The following STEAP1B variants were observed in gnomAD, a reference collection of about 807,000 sequenced individuals.
STEAP1B encodes STEAP family member 1B.
Under a neutral mutation model 27.9 loss-of-function variants are expected in STEAP1B, and 13 were observed. The ratio of observed to expected loss-of-function variants is 0.47; its 90% CI spans 0.30 to 0.74. STEAP1B has a LOEUF of 0.74. Ranked by LOEUF, STEAP1B falls within the 30% of genes least tolerant of loss-of-function variation. The pLI is 0.06. For missense variants in STEAP1B, 250 were observed against 298.7 expected, an observed-to-expected ratio of 0.84 and a Z score of 1.20; for synonymous variants, 86 against 107.1, an observed-to-expected ratio of 0.80 and a Z score of 1.22.
At chr7:22,474,327 T>C (rs1785935285) in intron 4 of STEAP1B, among the ~76,000 whole-genome samples, 1 of 152,168 alleles carries the variant, frequency 6.6e-6, no homozygotes, top group Non-Finnish European at 1.5e-5. Flanking sequence ...TGCTAAAAAA[T>C]ACTGATGCCT....
chr7:22,424,738 T>C (rs1327884113), intron 4 of STEAP1B, among the ~76,000 whole-genome samples: 1 of 152,150 alleles, frequency 6.6e-6, no homozygotes, highest in East Asian at 1.9e-4. Flanking sequence ...GGGAACTACA[T>C]GTCTCATTAT....
intron 4 of STEAP1B, among the ~76,000 whole-genome samples, chr7:22,490,926 C>A (rs1418122027): frequency 6.6e-6 from 1 of 152,204 alleles, no homozygotes; most frequent in Non-Finnish European, 1.5e-5. Flanking sequence ...TTTGTGCTGA[C>A]TATGCTTCAG....
chr7:22,425,872 A>G (rs1473760514), intron 4 of STEAP1B, among the ~76,000 whole-genome samples: 1 of 152,244 alleles, frequency 6.6e-6, no homozygotes, highest in African/African-American at 2.4e-5. Context: ...AATCAGCTAC[A>G]ATTCCCAGAA....
intron 4 of STEAP1B, among the ~76,000 whole-genome samples, chr7:22,452,227 G>A (rs112443206): frequency 3.9e-5 from 6 of 152,340 alleles, no homozygotes; most frequent in African/African-American, 1.4e-4. Flanking sequence ...CGTGGCTACT[G>A]CAGGAAAGAA....
At chr7:22,442,138 A>G (rs1785343319) in intron 4 of STEAP1B, among the ~76,000 whole-genome samples, 2 of 152,338 alleles carry the variant, frequency 1.3e-5, no homozygotes, top group Admixed American at 1.3e-4. Flanking sequence ...TGAATGAGTG[A>G]TGAAGAGGGC....
chr7:22,454,827 TTATA>T lies in STEAP1B; in HGVS notation c.763-34995_763-34992del, dbSNP rs58507500. Among the ~76,000 whole-genome samples, 487 of 88,724 alleles carry T rather than the reference TTATA, an allele frequency of 5.5e-3. 5 individuals are homozygous for T. Among genetic ancestry groups the T allele is most frequent in the East Asian group, 9.6e-3 (26 of 2,714 alleles). 58.2% of individuals were successfully genotyped at this position (88,724 alleles called of 152,430 possible). ...TCAGTACCAACTGGCAAAGAAAATA[TTATA>T]TATATATATATATATATGTATATAT... On this transcript the variant is annotated intron_variant, in intron 4 of 4. Coordinates refer to ENST00000678116, the MANE Select transcript of STEAP1B (RefSeq NM_001382447.1).
rs114378430 is a variant in STEAP1B, at chr7:22,435,796, A to C, written c.763-15960T>G. Among the ~76,000 whole-genome samples the C allele has an allele frequency of 3.1e-3, 468 of 152,342 alleles. 1 individual carries two copies. The highest frequency in any genetic ancestry group is 0.011 in the African/African-American group (440 of 41,578). ...GCTCTCACCTGGATGGGCTTCATGG[A>C]GACCAGCAGGTGTGATATAAGACTC... On this transcript the variant is annotated intron_variant, in intron 4 of 4. Transcript: ENST00000678116.
chr7:22,483,583 TG>T (rs1786124316), intron 4 of STEAP1B, among the ~76,000 whole-genome samples: 1 of 152,234 alleles, frequency 6.6e-6, no homozygotes, highest in East Asian at 1.9e-4. Flanking sequence ...CTTCATGTCT[TG>T]TCGCATTTTG....
rs1385548417 is a variant in STEAP1B, at chr7:22,492,697, C to T, written c.630G>A (p.Glu210=). The T allele has an allele frequency of 3.1e-6, 5 of 1,611,256 alleles. No individual in the cohort carries two copies. Among genetic ancestry groups the T allele is most frequent in the Admixed American group, 1.7e-5 (1 of 59,552 alleles). ...AAATCTCCATTCTCCAAACATCATG[C>T]TCAATCCAGGCATCTTCTTTATTTT... is the stretch of plus-strand genomic sequence containing the variant. The part of the protein sequence containing the change: ...VQQNKEDAWI[E]HDVWRMEIYV... Residue 210 remains glutamate, a synonymous_variant, in exon 4 of 5, where the codon GAG becomes GAA. Coordinates refer to ENST00000678116, the MANE Select transcript of STEAP1B (RefSeq NM_001382447.1).
At chr7:22,471,119 G>C (rs1785874935) in intron 4 of STEAP1B, among the ~76,000 whole-genome samples, 1 of 152,154 alleles carries the variant, frequency 6.6e-6, no homozygotes, top group Admixed American at 6.5e-5. Flanking sequence ...ACGGAGTGCA[G>C]CCGATGCTTT....
intron 4 of STEAP1B, among the ~76,000 whole-genome samples, chr7:22,473,652 G>A (rs1054480583): frequency 3.3e-5 from 5 of 152,180 alleles, no homozygotes; most frequent in Admixed American, 1.3e-4. Flanking sequence ...CCCCAGAGAC[G>A]ACGAACTGGT....
intron 4 of STEAP1B, among the ~76,000 whole-genome samples, chr7:22,460,479 G>C (rs918226792): frequency 6.6e-6 from 1 of 152,146 alleles, no homozygotes; most frequent in Non-Finnish European, 1.5e-5. Context: ...GGTTGACATG[G>C]AGCTCATCTG....
chr7:22,482,476 G>A (rs1786096877), intron 4 of STEAP1B, among the ~76,000 whole-genome samples: 1 of 152,190 alleles, frequency 6.6e-6, no homozygotes, highest in South Asian at 2.1e-4. Flanking sequence ...GCCCTGGGAA[G>A]AAGGATAGGC....
rs192945129 is a variant in STEAP1B, at chr7:22,428,567, C to T, written c.763-8731G>A. On this transcript the variant is annotated intron_variant, in intron 4 of 4. Transcript: ENST00000678116. ...AACGTCATAAACCTAATGTACCAAA[C>T]GGAGACAAGAGAAATTATATAATAA... Among the ~76,000 whole-genome samples the T allele has an allele frequency of 2.8e-4, 42 of 152,138 alleles. 1 individual carries two copies. The East Asian group carries it at 5.4e-3, about 20-fold the overall frequency.
chr7:22,482,389 T>A (rs747030282), intron 4 of STEAP1B, among the ~76,000 whole-genome samples: 4 of 152,200 alleles, frequency 2.6e-5, no homozygotes, highest in Non-Finnish European at 5.9e-5. Context: ...TGTTTATGGG[T>A]CATATTTATA....
In STEAP1B at chr7:22,425,296, C is replaced by T. The variant is rs139746824; in HGVS notation, c.763-5460G>A. Among the ~76,000 whole-genome samples the T allele has an allele frequency of 2.8e-3, 430 of 152,272 alleles. 2 individuals are homozygous for T. The highest frequency in any genetic ancestry group is 0.01 in the African/African-American group (423 of 41,572). On this transcript the variant is annotated intron_variant, in intron 4 of 4. Transcript: ENST00000678116. ...AAACAACTAACTGCTAGATTGGCAG[C>T]AGTAAGTTATTTTGCAAGACAAAGT...
At chr7:22,480,246 G>T (rs970398712) in intron 4 of STEAP1B, among the ~76,000 whole-genome samples, 2 of 152,162 alleles carry the variant, frequency 1.3e-5, no homozygotes, top group Non-Finnish European at 2.9e-5. Flanking sequence ...GGTCATAATT[G>T]TACATATCAT....
chr7:22,460,355 G>A (rs1351666533), intron 4 of STEAP1B, among the ~76,000 whole-genome samples: 1 of 150,982 alleles, frequency 6.6e-6, no homozygotes, highest in East Asian at 1.9e-4. Flanking sequence ...AAAAAAAGGA[G>A]AGAAGGAAGT....
chr7:22,480,249 C>T (rs1786045149), intron 4 of STEAP1B, among the ~76,000 whole-genome samples: 1 of 152,236 alleles, frequency 6.6e-6, no homozygotes, highest in African/African-American at 2.4e-5. Flanking sequence ...CATAATTGTA[C>T]ATATCATTCT....
Sources: gnomAD v4.1 joint callset for allele counts (sites outside exome capture counted in the v4.1 genomes callset) on GRCh38, gnomAD v4.1.1 for gene constraint, MANE v1.5 for transcripts, NCBI Gene and HGNC (gene_info 2026-07-23, HGNC 2026-07-21) for gene names.